Variants in C12orf42 observed in about 807,000 individuals in gnomAD.
C12orf42 encodes the protein chromosome 12 open reading frame 42, also known as uncharacterized protein C12orf42.
Under a neutral mutation model 21.6 loss-of-function variants are expected in C12orf42, and 25 were observed. The ratio of observed to expected loss-of-function variants is 1.16; its 90% CI spans 0.84 to 1.62. The LOEUF (loss-of-function observed/expected upper bound fraction) is 1.62, where lower values mean the gene tolerates loss of function less well. C12orf42 is among the 40% of genes most tolerant of loss of function. The probability of loss-of-function intolerance (pLI) is 0.00; values close to 1 mark genes in which losing one functional copy is unlikely to be tolerated. For synonymous variants in C12orf42, 174 were observed against 175.0 expected, an observed-to-expected ratio of 0.99 and a Z score of 0.05; for missense variants, 483 against 459.3, an observed-to-expected ratio of 1.05 and a Z score of -0.47.
the C12orf42 span, among the ~76,000 whole-genome samples, chr12:103,139,369 T>C: frequency 6.6e-6 from 1 of 152,346 alleles, no homozygotes; most frequent in East Asian, 1.9e-4. Flanking sequence ...CCATTCATAT[T>C]ATTCCAGGTT....
the C12orf42 span, among the ~76,000 whole-genome samples, chr12:103,083,229 T>C: frequency 6.6e-6 from 1 of 152,044 alleles, no homozygotes; most frequent in African/African-American, 2.4e-5. Flanking sequence ...CCAGACATGA[T>C]GGTGGGTGCC....
intron 4 of C12orf42, among the ~76,000 whole-genome samples, chr12:103,343,077 T>C (rs538726662): frequency 5.3e-5 from 8 of 152,220 alleles, no homozygotes; most frequent in Non-Finnish European, 7.3e-5. Flanking sequence ...TATCAATATT[T>C]GCTGCCAATG....
chr12:103,087,389 TGAGAAACATG>T, the C12orf42 span, among the ~76,000 whole-genome samples: 1 of 152,142 alleles, frequency 6.6e-6, no homozygotes, highest in Non-Finnish European at 1.5e-5. Flanking sequence ...AGAACACTAG[TGAGAAACATG>T]GAGCAGAAGA....
chr12:103,515,957 G>A, the C12orf42 span, among the ~76,000 whole-genome samples: 3 of 152,170 alleles, frequency 2.0e-5, no homozygotes, highest in Non-Finnish European at 4.4e-5. Context: ...TAAGAAAGAT[G>A]AATGAGAGTA....
At chr12:103,084,994 C>T in the C12orf42 span, among the ~76,000 whole-genome samples, 6 of 152,138 alleles carry the variant, frequency 3.9e-5, no homozygotes, top group Non-Finnish European at 7.4e-5. Context: ...TGCTACTCAT[C>T]TCCAGGAGAA....
chr12:103,290,290 C>T (rs2036713651), intron 4 of C12orf42, among the ~76,000 whole-genome samples: 2 of 152,162 alleles, frequency 1.3e-5, no homozygotes, highest in Non-Finnish European at 2.9e-5. Context: ...TCAGGAACAA[C>T]AGCTTACTTT....
chr12:103,553,462 T>A, the C12orf42 span, among the ~76,000 whole-genome samples: 1 of 152,026 alleles, frequency 6.6e-6, no homozygotes, highest in Non-Finnish European at 1.5e-5. Context: ...CATTCCAACT[T>A]CCAGAAAAGA....
downstream of C12orf42, chr12:103,267,666 G>A (rs2035237109): frequency 6.6e-6 from 1 of 152,072 alleles, no homozygotes; most frequent in Non-Finnish European, 1.5e-5. Context: ...GGGATGAGAA[G>A]GACACTTCGT....
chr12:103,242,531 C>CA (rs1480555590), intron 10 of C12orf42, among the ~76,000 whole-genome samples: 2 of 151,956 alleles, frequency 1.3e-5, no homozygotes, highest in Non-Finnish European at 2.9e-5. Flanking sequence ...TTACATTTTT[C>CA]AAATTTTTTT....
intron 2 of C12orf42, among the ~76,000 whole-genome samples, chr12:103,442,787 AGAGTAAAT>A (rs1293914560): frequency 6.6e-6 from 1 of 152,214 alleles, no homozygotes; most frequent in Non-Finnish European, 1.5e-5. Context: ...TAAAAAGAAA[AGAGTAAAT>A]GAATGAAAGA....
chr12:103,559,842 C>G, the C12orf42 span: 1 of 152,088 alleles, frequency 6.6e-6, no homozygotes. Context: ...AATGAATGAT[C>G]CTCAGCTTTA....
At chr12:103,055,742 T>C in the C12orf42 span, among the ~76,000 whole-genome samples, 1 of 152,058 alleles carries the variant, frequency 6.6e-6, no homozygotes, top group South Asian at 2.1e-4. Context: ...TTTGACATAC[T>C]GTATTTTCAA....
chr12:103,264,704 T>C (rs935157247), downstream of C12orf42, among the ~76,000 whole-genome samples: 2 of 152,164 alleles, frequency 1.3e-5, no homozygotes, highest in South Asian at 2.1e-4. Flanking sequence ...GCCTGTACCA[T>C]AGAAGAATAC....
the C12orf42 span, among the ~76,000 whole-genome samples, chr12:103,177,613 C>T: frequency 2.6e-4 from 40 of 152,320 alleles, no homozygotes; most frequent in African/African-American, 8.9e-4. Flanking sequence ...CGGCCAGAAA[C>T]TCTGCTGAAA....
At chr12:103,380,014 G>C (rs1051216661) in intron 3 of C12orf42, among the ~76,000 whole-genome samples, 4 of 152,232 alleles carry the variant, frequency 2.6e-5, no homozygotes, top group African/African-American at 9.6e-5. Context: ...CGTTAGTGAG[G>C]CCTTACGTAA....
chr12:103,531,937 C>CT, the C12orf42 span, among the ~76,000 whole-genome samples: 1 of 152,126 alleles, frequency 6.6e-6, no homozygotes, highest in Non-Finnish European at 1.5e-5. Context: ...TCTTTGTTGG[C>CT]TTTTTTCTGT....
At chr12:103,398,745 C>A (rs999812374) in intron 3 of C12orf42, among the ~76,000 whole-genome samples, 1 of 151,924 alleles carries the variant, frequency 6.6e-6, no homozygotes, top group Non-Finnish European at 1.5e-5. Context: ...ATTGAATAGT[C>A]CTTCCTTTCC....
At chr12:103,253,707 C>T (rs2034418510) in intron 10 of C12orf42, among the ~76,000 whole-genome samples, 1 of 152,118 alleles carries the variant, frequency 6.6e-6, no homozygotes, top group African/African-American at 2.4e-5. Context: ...ACTTTCACTC[C>T]TGCTTTAAAA....
At chr12:103,445,266 G>C (rs149668886) in intron 2 of C12orf42, among the ~76,000 whole-genome samples, 1 of 152,162 alleles carries the variant, frequency 6.6e-6, no homozygotes, top group Non-Finnish European at 1.5e-5. Context: ...CTTGTTTGTT[G>C]GTGGGGAAAA....
Sources: gnomAD v4.1 joint callset for allele counts (sites outside exome capture counted in the v4.1 genomes callset) on GRCh38, gnomAD v4.1.1 for gene constraint, MANE v1.5 for transcripts, NCBI Gene and HGNC (gene_info 2026-07-23, HGNC 2026-07-21) for gene names.